Variants in PLAA observed in about 807,000 individuals in gnomAD.
PLAA encodes the protein phospholipase A-2-activating protein.
PLAA carries 48 observed loss-of-function variants against 84.1 expected under a neutral mutation model. That is an observed-to-expected ratio of 0.57 (90% confidence interval 0.45 to 0.73). The LOEUF (loss-of-function observed/expected upper bound fraction) is 0.73, where lower values mean the gene tolerates loss of function less well. Ranked by LOEUF, PLAA falls within the 30% of genes least tolerant of loss-of-function variation. The pLI, the probability that PLAA is intolerant of heterozygous loss-of-function variation, is 0.00. For synonymous variants in PLAA, 392 were observed against 336.6 expected (o/e 1.16, Z -1.80); for missense variants, 903 against 954.7 (o/e 0.95, Z 0.71).
intron 1 of PLAA, among the ~76,000 whole-genome samples, chr9:26,942,582 A>T (rs113259137): frequency 0.013 from 2,019 of 152,214 alleles, 47 homozygotes; most frequent in African/African-American, 0.046. Context: ...AGCTTAAATT[A>T]TAAGAGTCAG....
In PLAA at chr9:26,904,012, T is replaced by C. The variant is rs1218970977; in HGVS notation, c.*1499A>G. ...CTTTGACATAACCACCTAAACCCAA[T>C]CAAAAAACGAAAAGTATAGGTACTC... On this transcript the variant is annotated 3_prime_UTR_variant, in exon 14 of 14. Coordinates refer to ENST00000397292, the MANE Select transcript of PLAA (RefSeq NM_001031689.3). 1 of 153,566 alleles carries C rather than the reference T, an allele frequency of 6.5e-6. No homozygotes were observed. Among genetic ancestry groups the C allele is most frequent in the Non-Finnish European group, 1.5e-5 (1 of 67,958 alleles). The allele number at this position is 153,566 out of a possible 1,614,324, so 9.5% of individuals were successfully genotyped here.
chr9:26,936,792 C>A (rs779511857), intron 1 of PLAA, among the ~76,000 whole-genome samples: 2 of 152,152 alleles, frequency 1.3e-5, no homozygotes, highest in Admixed American at 6.5e-5. Flanking sequence ...GCACCTCCCC[C>A]GGTTGATGCA....
intron 11 of PLAA, among the ~76,000 whole-genome samples, chr9:26,911,876 A>G (rs1824410196): frequency 6.6e-6 from 1 of 151,834 alleles, no homozygotes; most frequent in Non-Finnish European, 1.5e-5. Flanking sequence ...AAAGGGATGA[A>G]GGTAGATAAA....
At chr9:26,913,266 G>A (rs1463281732) in intron 11 of PLAA, among the ~76,000 whole-genome samples, 1 of 152,088 alleles carries the variant, frequency 6.6e-6, no homozygotes, top group Non-Finnish European at 1.5e-5. Context: ...GTGTTTTACT[G>A]GCAGCCAATA....
At position 26,926,455 on chromosome 9, in the gene PLAA, A is replaced by G; in HGVS notation, c.671T>C (p.Leu224Pro). 1 of 1,612,104 alleles carries G rather than the reference A, an allele frequency of 6.2e-7. No individual in the cohort carries two copies. The highest frequency in any genetic ancestry group is 1.1e-5 in the South Asian group (1 of 91,042). ...ATTTGTATGTCCATAATATACTTCA[A>G]GACACTCGCCAGTGATTTGCCACCT... The part of the protein sequence containing the change: ...IRRWQITGEC[L>P]EVYYGHTNYI... The change falls in exon 5 of 14, where the codon CTT becomes CCT. Residue 224 changes from leucine to proline, a missense_variant. Leu to Pro is a moderately conservative substitution (Grantham distance 98, BLOSUM62 -3). Transcript: ENST00000397292.
At position 26,923,271 on chromosome 9, in the gene PLAA, CT is replaced by C. The variant is rs1349390134; in HGVS notation, c.945del (p.Glu316AsnfsTer14). The C allele has an allele frequency of 6.2e-7, 1 of 1,613,772 alleles. No homozygotes were observed. The highest frequency in any genetic ancestry group is 8.5e-7 in the Non-Finnish European group (1 of 1,179,836). Reference protein sequence around the residue: ...ASAEEIKAFEKELSHATIDSK... With the variant: ...ASAEEIKAFEXELSHATIDSK... ...GAATCAATGGTTGCGTGAGACAGTT[CT>C]TTTTCAAAAGCCTTGATTTCTTCAG... On this transcript the variant is annotated frameshift_variant, in exon 7 of 14. Transcript: ENST00000397292. LOFTEE classifies it high-confidence loss of function.
intron 1 of PLAA, among the ~76,000 whole-genome samples, chr9:26,938,250 G>A (rs1029658003): frequency 6.6e-6 from 1 of 152,160 alleles, no homozygotes; most frequent in African/African-American, 2.4e-5. Context: ...GCACACACCT[G>A]TAGTCCCAGC....
At chr9:26,944,090 G>A (rs1825618936) in intron 1 of PLAA, among the ~76,000 whole-genome samples, 1 of 152,174 alleles carries the variant, frequency 6.6e-6, no homozygotes, top group South Asian at 2.1e-4. Flanking sequence ...AGAGGGTTCT[G>A]CCGCCATGAA....
At chr9:26,920,958 G>A (rs1824739719) in intron 7 of PLAA, among the ~76,000 whole-genome samples, 2 of 151,772 alleles carry the variant, frequency 1.3e-5, no homozygotes, top group South Asian at 2.1e-4. Flanking sequence ...GCAACTTCAG[G>A]AATTTTTTCA....
At chr9:26,936,559 A>G (rs1825364732) in intron 1 of PLAA, among the ~76,000 whole-genome samples, 2 of 152,188 alleles carry the variant, frequency 1.3e-5, no homozygotes. Context: ...GTTAATTTTG[A>G]TCAATGCCTG....
In PLAA at chr9:26,914,623, GAATA is replaced by G. The variant is rs1241020314; in HGVS notation, c.1487-680_1487-677del. Among the ~76,000 whole-genome samples the G allele has an allele frequency of 6.0e-5, 9 of 149,622 alleles. No individual in the cohort carries two copies. The East Asian group carries it at 1.8e-3, about 29-fold the overall frequency. Reference sequence around the variant, plus strand: ...ATTAATTAAAATAATGAGAAACACAGAATAAATGGATTTGTTGAAATTTAACCAT... The same window carrying G: ...ATTAATTAAAATAATGAGAAACACAGAATGGATTTGTTGAAATTTAACCAT... On this transcript the variant is annotated intron_variant, in intron 10 of 13. Coordinates refer to ENST00000397292, the MANE Select transcript of PLAA (RefSeq NM_001031689.3).
chr9:26,908,457 C>T (rs184871663), intron 12 of PLAA, among the ~76,000 whole-genome samples: 4 of 151,306 alleles, frequency 2.6e-5, no homozygotes, highest in South Asian at 4.2e-4. Flanking sequence ...TGAGCCACCA[C>T]GCCTGGCCTT....
rs563278322 is a variant in PLAA at position 26,917,399 on chromosome 9, C to G, written c.1418-234G>C. Among the ~76,000 whole-genome samples, 5 of 152,212 alleles carry G rather than the reference C, an allele frequency of 3.3e-5. No individual in the cohort carries two copies. In the South Asian group the frequency reaches 1.0e-3, roughly 32 times the overall value. The stretch of plus-strand genomic sequence containing the variant: ...CTTTAATGCTTTATTATACCTTAGC[C>G]CCAGCACTTAAATATTAAAACTTAA... On this transcript the variant is annotated intron_variant, in intron 9 of 13. Transcript: ENST00000397292.
chr9:26,914,718 C>A (rs1379171429), intron 10 of PLAA, among the ~76,000 whole-genome samples: 1 of 149,326 alleles, frequency 6.7e-6, no homozygotes, highest in Non-Finnish European at 1.5e-5. Context: ...TTATAATTCA[C>A]AATATTTTAG....
At chr9:26,931,217 G>C (rs1168825216) in intron 2 of PLAA, among the ~76,000 whole-genome samples, 2 of 151,630 alleles carry the variant, frequency 1.3e-5, no homozygotes, top group Non-Finnish European at 2.9e-5. Flanking sequence ...TAAATTGGGA[G>C]AAGGGTCAAG....
intron 5 of PLAA, 106 bp downstream of exon 5, chr9:26,926,286 GT>G (rs1201106721): frequency 4.2e-6 from 3 of 722,404 alleles, no homozygotes; most frequent in Non-Finnish European, 6.9e-6. Context: ...AATTATTCAA[GT>G]CATAGATAGT....
At chr9:26,919,118 A>T (rs1429432136) in intron 9 of PLAA, 192 bp downstream of exon 9, 1 of 421,092 alleles carries the variant, frequency 2.4e-6, no homozygotes, top group Non-Finnish European at 4.2e-6. Flanking sequence ...GAAAGACAAC[A>T]ATTTACTATT....
intron 4 of PLAA, among the ~76,000 whole-genome samples, chr9:26,927,711 G>T (rs1014679393): frequency 1.3e-5 from 2 of 152,088 alleles, no homozygotes; most frequent in Non-Finnish European, 2.9e-5. Context: ...CACTAATAAT[G>T]ATTTCTTCCA....
At chr9:26,914,086 T>C (rs1824480980) in intron 10 of PLAA, 139 bp from the exon 11 acceptor site, 2 of 604,148 alleles carry the variant, frequency 3.3e-6, no homozygotes, top group South Asian at 5.0e-5. Context: ...ACAAATTTAA[T>C]ACAGAAAAGT....
Sources: allele counts gnomAD v4.1 joint callset (sites outside exome capture counted in the v4.1 genomes callset), GRCh38; gene constraint gnomAD v4.1.1; transcripts MANE v1.5; gene names NCBI Gene and HGNC (gene_info 2026-07-23, HGNC 2026-07-21).